Variants in PRMT8 observed in about 807,000 individuals in gnomAD.
PRMT8 encodes protein arginine methyltransferase 8, also known as protein arginine N-methyltransferase 8.
A neutral mutation model predicts 47.1 loss-of-function variants in PRMT8; 7 were observed. The ratio of observed to expected loss-of-function variants is 0.15; its 90% CI spans 0.08 to 0.28. The LOEUF (loss-of-function observed/expected upper bound fraction) is 0.28. Ranked by LOEUF, PRMT8 falls within the 10% of genes least tolerant of loss-of-function variation. The pLI is 1.00. For missense variants in PRMT8, 237 were observed against 505.4 expected (o/e 0.47, Z 5.09); for synonymous variants, 188 against 186.5 (o/e 1.01, Z -0.07).
rs1040511389 is a variant in PRMT8 at position 3,492,992 on chromosome 12, C to G, written c.75+1292C>G. 3.3e-5 allele frequency among the ~76,000 whole-genome samples: 5 copies of G among 152,152 alleles called. No homozygotes were observed. Among genetic ancestry groups the G allele is most frequent in the African/African-American group, 1.2e-4 (5 of 41,430 alleles). The stretch of plus-strand genomic sequence containing the variant: ...TAGAGAGACCCTTCCTGGTCTTCTT[C>G]CCTCGAGTTCTTAACTCTGCGCTAA... On this transcript the variant is annotated intron_variant, in intron 1 of 9. Coordinates refer to ENST00000382622, the MANE Select transcript of PRMT8 (RefSeq NM_019854.5). The surrounding 1 kb of genome is among the most constrained non-coding windows in gnomAD (Gnocchi z 7.5).
Position 3,538,637 on chromosome 12 carries a change from C to G in PRMT8, c.76-1969C>G, listed in dbSNP as rs1348866615. 1 of 519,032 alleles carries G rather than the reference C, an allele frequency of 1.9e-6. No homozygotes were observed. Among genetic ancestry groups the G allele is most frequent in the South Asian group, 1.4e-5 (1 of 71,594 alleles). The allele number at this position is 519,032 out of a possible 1,614,324, so 32.2% of individuals were successfully genotyped here. On this transcript the variant is annotated intron_variant, in intron 1 of 9. Transcript: ENST00000382622. The surrounding 1 kb of genome is among the most constrained non-coding windows in gnomAD (Gnocchi z 4.6). ...CCCAGACCAGCTCCGACTTTTTCCT[C>G]TCCTTCACATATTTAAATGGAGTCG... is the stretch of plus-strand genomic sequence containing the variant.
At chr12:3,430,557 A>AT (rs769329080) in intron 1 of PRMT8, among the ~76,000 whole-genome samples, 1 of 152,240 alleles carries the variant, frequency 6.6e-6, no homozygotes, top group African/African-American at 2.4e-5. Context: ...CCAGGAAACC[A>AT]TAAGTAGCTA....
At chr12:3,561,272 C>T (rs565234383) in intron 4 of PRMT8, among the ~76,000 whole-genome samples, 1 of 152,176 alleles carries the variant, frequency 6.6e-6, no homozygotes, top group Non-Finnish European at 1.5e-5. Flanking sequence ...TGGCAATGCA[C>T]CTCCAGTTTC....
chr12:3,396,501 G>A (rs1375774657), intron 1 of PRMT8, among the ~76,000 whole-genome samples: 1 of 152,134 alleles, frequency 6.6e-6, no homozygotes, highest in Non-Finnish European at 1.5e-5. Context: ...TGAAATTCTG[G>A]GTTGAAAATT....
intron 4 of PRMT8, among the ~76,000 whole-genome samples, chr12:3,565,665 A>G (rs1860449): frequency 0.28 from 42,201 of 152,020 alleles, 6,154 homozygotes; most frequent in East Asian, 0.46. Flanking sequence ...GTGACCCCCT[A>G]TATCTAGCTA....
intron 1 of PRMT8, among the ~76,000 whole-genome samples, chr12:3,440,819 C>A (rs1864792283): frequency 6.6e-6 from 1 of 152,052 alleles, no homozygotes. Flanking sequence ...CAGAATCAAC[C>A]CTCCTTCTGT....
At chr12:3,431,832 G>A (rs1864682136) in intron 1 of PRMT8, among the ~76,000 whole-genome samples, 1 of 152,208 alleles carries the variant, frequency 6.6e-6, no homozygotes, top group Admixed American at 6.5e-5. Flanking sequence ...GAAAGAGAAG[G>A]TGAGATATGG....
intron 1 of PRMT8, among the ~76,000 whole-genome samples, chr12:3,506,273 A>G (rs1229348739): frequency 6.6e-6 from 1 of 152,250 alleles, no homozygotes; most frequent in Non-Finnish European, 1.5e-5. Context: ...CATGTCTGGC[A>G]CATGGTAAAT....
At chr12:3,414,310 G>T (rs940448061) in intron 1 of PRMT8, among the ~76,000 whole-genome samples, 1 of 152,210 alleles carries the variant, frequency 6.6e-6, no homozygotes, top group Non-Finnish European at 1.5e-5. Flanking sequence ...GACTCCAGAT[G>T]TCTGGGTGTT....
chr12:3,461,233 A>T (rs916562009), intron 1 of PRMT8, among the ~76,000 whole-genome samples: 1 of 152,174 alleles, frequency 6.6e-6, no homozygotes, highest in Non-Finnish European at 1.5e-5. Context: ...CTCTTTGTAG[A>T]TTATCTGGGG....
At chr12:3,578,818 G>A (rs190899778) in intron 7 of PRMT8, among the ~76,000 whole-genome samples, 36 of 152,160 alleles carry the variant, frequency 2.4e-4, no homozygotes, top group African/African-American at 8.4e-4. Context: ...GTATCACTGT[G>A]GACTTTAGAA....
At chr12:3,549,469 T>C (rs754776873) in intron 2 of PRMT8, among the ~76,000 whole-genome samples, 7 of 150,966 alleles carry the variant, frequency 4.6e-5, no homozygotes, top group Non-Finnish European at 5.9e-5. Context: ...AAAGCCAATA[T>C]GCTGGACAGA....
rs115243597 is a variant in PRMT8, at chr12:3,587,781, T to C, written c.980-4450T>C. ...TGCATCAACCCCCAACTGAGTCTTC[T>C]GTTCTCAGCCCAGTGGTAGCGCGCT... On this transcript the variant is annotated intron_variant, in intron 8 of 9. Coordinates refer to ENST00000382622, the MANE Select transcript of PRMT8 (RefSeq NM_019854.5). Among the ~76,000 whole-genome samples the C allele has an allele frequency of 5.1e-3, 783 of 152,342 alleles. 8 individuals carry two copies. Among genetic ancestry groups the C allele is most frequent in the African/African-American group, 0.018 (748 of 41,588 alleles).
chr12:3,444,968 TAGGGA>T (rs1864841768), intron 1 of PRMT8, among the ~76,000 whole-genome samples: 1 of 152,150 alleles, frequency 6.6e-6, no homozygotes. Flanking sequence ...TCGTTCCCTT[TAGGGA>T]AGGTTAGGGG....
intron 1 of PRMT8, among the ~76,000 whole-genome samples, chr12:3,414,582 C>T (rs574918499): frequency 5.7e-4 from 87 of 152,260 alleles, no homozygotes; most frequent in African/African-American, 1.9e-3. Flanking sequence ...GTTGAGGCCC[C>T]GCAGCAGCCT....
chr12:3,578,368 C>A (rs1336448120), intron 7 of PRMT8, among the ~76,000 whole-genome samples: 1 of 152,094 alleles, frequency 6.6e-6, no homozygotes, highest in Non-Finnish European at 1.5e-5. Flanking sequence ...GAAACTACGG[C>A]TACGTGCCAC....
In PRMT8 at chr12:3,538,835, G is replaced by A. The variant is rs780475895; in HGVS notation, c.76-1771G>A. The A allele has an allele frequency of 1.5e-5, 7 of 474,254 alleles. No individual in the cohort carries two copies. The highest frequency in any genetic ancestry group is 7.6e-5 in the South Asian group (5 of 65,658). The allele number at this position is 474,254 out of a possible 1,614,324, so 29.4% of individuals were successfully genotyped here. A position where few individuals can be genotyped will look rare whatever the true frequency, so the allele number is the denominator to read the frequency against. ...GCATTCTAATGAGGCAGCCCCACTC[G>A]CCTTTGCCAGCCCGCCCGGGATCTC... On this transcript the variant is annotated intron_variant, in intron 1 of 9. Transcript: ENST00000382622. The surrounding 1 kb of genome is among the most constrained non-coding windows in gnomAD (Gnocchi z 4.6).
At position 3,451,201 on chromosome 12, in the gene PRMT8, T is replaced by C. The variant is rs1308250488; in HGVS notation, c.48+69759T>C. ...CTATTTATGTGATTGGCTCACAAAC[T>C]GCCAAGGAAGTAGTCATGGATTCAA... is the stretch of plus-strand genomic sequence containing the variant. On this transcript the variant is annotated intron_variant, in intron 1 of 9. Transcript: ENST00000452611. Among the ~76,000 whole-genome samples, 40 of 152,088 alleles carry C rather than the reference T, an allele frequency of 2.6e-4. 1 individual carries two copies. The highest frequency in any genetic ancestry group is 2.6e-3 in the Admixed American group (40 of 15,266).
chr12:3,567,184 G>A (rs1222149759), intron 4 of PRMT8, among the ~76,000 whole-genome samples: 1 of 152,232 alleles, frequency 6.6e-6, no homozygotes, highest in Admixed American at 6.5e-5. Flanking sequence ...TTGAGCTTTA[G>A]CTATGGGCCT....
Sources: gnomAD v4.1 joint callset for allele counts (sites outside exome capture counted in the v4.1 genomes callset) on GRCh38, gnomAD v4.1.1 for gene constraint, Gnocchi (gnomAD v3.1) non-coding constraint, MANE v1.5 for transcripts, NCBI Gene and HGNC (gene_info 2026-07-23, HGNC 2026-07-21) for gene names.